Variants in AKAP12 observed in about 807,000 individuals in gnomAD.
AKAP12 encodes A-kinase anchoring protein 12.
A neutral mutation model predicts 79.9 loss-of-function variants in AKAP12; 32 were observed. That is an observed-to-expected ratio of 0.40 (90% CI 0.30 to 0.54). The LOEUF (loss-of-function observed/expected upper bound fraction) is 0.54, where lower values mean the gene tolerates loss of function less well. Ranked by LOEUF, AKAP12 falls within the 20% of genes least tolerant of loss-of-function variation. AKAP12 has a pLI of 0.48. For synonymous variants in AKAP12, 808 were observed against 857.0 expected (o/e 0.94, Z 1.00); for missense variants, 2,074 against 2,177.0 (o/e 0.95, Z 0.94).
At chr6:151,270,365 T>A (rs905488397) in intron 2 of AKAP12, among the ~76,000 whole-genome samples, 1 of 152,238 alleles carries the variant, frequency 6.6e-6, no homozygotes, top group Non-Finnish European at 1.5e-5. Flanking sequence ...GCTGGTTTTT[T>A]AAACTGCTGT....
intron 2 of AKAP12, among the ~76,000 whole-genome samples, chr6:151,242,861 A>G (rs1296539592): frequency 6.6e-6 from 1 of 152,252 alleles, no homozygotes; most frequent in African/African-American, 2.4e-5. Context: ...GCTCTCAGGA[A>G]TACTTGTGGA....
At chr6:151,244,955 C>G (rs1290808062) in intron 2 of AKAP12, among the ~76,000 whole-genome samples, 1 of 152,156 alleles carries the variant, frequency 6.6e-6, no homozygotes, top group Non-Finnish European at 1.5e-5. Context: ...GAAATATTTC[C>G]TTCTATGAAG....
chr6:151,256,962 A>ATATATATATATATATATATATATATAT (rs1554319585), intron 2 of AKAP12, among the ~76,000 whole-genome samples: 11 of 151,144 alleles, frequency 7.3e-5, no homozygotes, highest in Non-Finnish European at 8.8e-5. Context: ...ATATATATAT[A>ATATATATATATATATATATATATATAT]AACTTTAAAT....
intron 2 of AKAP12, among the ~76,000 whole-genome samples, chr6:151,253,021 A>G (rs1160241790): frequency 6.6e-6 from 1 of 152,144 alleles, no homozygotes; most frequent in East Asian, 1.9e-4. Context: ...TCAGAAAACA[A>G]TTTATGATTT....
At chr6:151,253,032 A>G (rs1797216330) in intron 2 of AKAP12, among the ~76,000 whole-genome samples, 1 of 151,814 alleles carries the variant, frequency 6.6e-6, no homozygotes, top group Non-Finnish European at 1.5e-5. Context: ...TTTATGATTT[A>G]TTTTTCTTTG....
chr6:151,276,875 C>T (rs1412103523), intron 2 of AKAP12, among the ~76,000 whole-genome samples: 1 of 152,132 alleles, frequency 6.6e-6, no homozygotes, highest in Non-Finnish European at 1.5e-5. Flanking sequence ...GGGGACTTGT[C>T]CTCTAAGTCT....
At chr6:151,331,435 T>A (rs1004820192) in intron 3 of AKAP12, among the ~76,000 whole-genome samples, 2 of 152,188 alleles carry the variant, frequency 1.3e-5, no homozygotes, top group Non-Finnish European at 2.9e-5. Flanking sequence ...TCCACACTTA[T>A]TATTAAGGAT....
chr6:151,252,181 T>A (rs1365306886), intron 2 of AKAP12, among the ~76,000 whole-genome samples: 1 of 151,450 alleles, frequency 6.6e-6, no homozygotes, highest in Non-Finnish European at 1.5e-5. Context: ...GAGGCACAGC[T>A]GAAGGTCAAG....
At chr6:151,246,784 T>C (rs934053752) in intron 2 of AKAP12, among the ~76,000 whole-genome samples, 11 of 152,188 alleles carry the variant, frequency 7.2e-5, no homozygotes, top group African/African-American at 2.7e-4. Flanking sequence ...GTTTTTGAGA[T>C]AGGCTCTCAT....
chr6:151,339,761 C>T (rs1448713612), intron 3 of AKAP12, among the ~76,000 whole-genome samples: 1 of 152,152 alleles, frequency 6.6e-6, no homozygotes, highest in African/African-American at 2.4e-5. Context: ...TCCCCCAACC[C>T]CTGGCAGCCA....
intron 2 of AKAP12, among the ~76,000 whole-genome samples, chr6:151,297,982 G>A (rs1217463298): frequency 2.6e-5 from 4 of 152,070 alleles, no homozygotes; most frequent in East Asian, 1.9e-4. Flanking sequence ...CCCCCAATAC[G>A]GTTTCATTTG....
intron 2 of AKAP12, among the ~76,000 whole-genome samples, chr6:151,260,245 A>T (rs1797398816): frequency 6.6e-6 from 1 of 152,142 alleles, no homozygotes; most frequent in African/African-American, 2.4e-5. Context: ...GACTGGTATC[A>T]TTCCCGTTTT....
At chr6:151,249,077 C>G (rs1797128926) in intron 2 of AKAP12, among the ~76,000 whole-genome samples, 1 of 152,160 alleles carries the variant, frequency 6.6e-6, no homozygotes, top group Non-Finnish European at 1.5e-5. Flanking sequence ...GCCCGTATCC[C>G]TACTGAGCCA....
At chr6:151,282,921 T>A (rs1776436597) in intron 2 of AKAP12, among the ~76,000 whole-genome samples, 1 of 152,248 alleles carries the variant, frequency 6.6e-6, no homozygotes, top group African/African-American at 2.4e-5. Flanking sequence ...TTAGTTTTTA[T>A]CTTGGCTAAG....
intron 3 of AKAP12, among the ~76,000 whole-genome samples, chr6:151,340,943 C>T (rs140512443): frequency 3.9e-5 from 6 of 152,190 alleles, no homozygotes; most frequent in African/African-American, 9.7e-5. Context: ...CATCAGGAAG[C>T]GCGATGACAT....
In AKAP12 at chr6:151,240,048, C is replaced by T. The variant is rs1383509670; in HGVS notation, c.-191C>T. ...AGCTGAAAGTCGGCTGCAGCAGAAG[C>T]TCCTGCCTTGGGTGATCCATCATTT... On this transcript the variant is annotated 5_prime_UTR_variant, in exon 1 of 5. Transcript: ENST00000402676. 1.3e-5 allele frequency: 2 copies of T among 152,644 alleles called. No individual in the cohort carries two copies. The highest frequency in any genetic ancestry group is 2.9e-5 in the Non-Finnish European group (2 of 68,384). The allele number at this position is 152,644 out of a possible 1,614,324, so 9.5% of individuals were successfully genotyped here.
intron 3 of AKAP12, among the ~76,000 whole-genome samples, chr6:151,315,901 A>G (rs1777222883): frequency 6.6e-6 from 1 of 152,176 alleles, no homozygotes; most frequent in South Asian, 2.1e-4. Flanking sequence ...AGAACCCCTT[A>G]TAAAACCACC....
chr6:151,261,032 T>C (rs980212847), intron 2 of AKAP12, among the ~76,000 whole-genome samples: 2 of 152,114 alleles, frequency 1.3e-5, no homozygotes, highest in Admixed American at 6.6e-5. Context: ...TCTTCCAGCA[T>C]GCACCTGTGC....
intron 2 of AKAP12, among the ~76,000 whole-genome samples, chr6:151,253,825 G>C (rs969962148): frequency 1.3e-5 from 2 of 151,982 alleles, no homozygotes; most frequent in Non-Finnish European, 2.9e-5. Flanking sequence ...TCTTGCCTCA[G>C]CCTCTTGAGT....
Sources: gnomAD v4.1 joint callset for allele counts (sites outside exome capture counted in the v4.1 genomes callset) on GRCh38, gnomAD v4.1.1 for gene constraint, MANE v1.5 for transcripts, NCBI Gene and HGNC (gene_info 2026-07-23, HGNC 2026-07-21) for gene names.